FER1L6: variants seen among roughly 807,000 people sequenced by gnomAD.
FER1L6 encodes fer-1-like protein 6.
In FER1L6, 177 loss-of-function variants were observed where a neutral mutation model predicts 219.2. That is an observed-to-expected ratio of 0.81 (90% CI 0.71 to 0.91). The LOEUF (loss-of-function observed/expected upper bound fraction) is 0.91. Ranked by LOEUF, FER1L6 falls within the 40% of genes least tolerant of loss-of-function variation. The pLI is 0.00. For synonymous variants in FER1L6, 768 were observed against 824.3 expected (o/e 0.93, Z 1.17); for missense variants, 2,153 against 2,259.9 (o/e 0.95, Z 0.96).
intron 1 of FER1L6, among the ~76,000 whole-genome samples, chr8:123,955,068 C>G (rs1287265762): frequency 6.6e-6 from 1 of 152,274 alleles, no homozygotes; most frequent in East Asian, 1.9e-4. Flanking sequence ...ATTAGGAATG[C>G]TCTTGTCTGT....
intron 3 of FER1L6, among the ~76,000 whole-genome samples, chr8:123,964,071 A>C (rs1815423400): frequency 6.6e-6 from 1 of 152,204 alleles, no homozygotes; most frequent in Non-Finnish European, 1.5e-5. Flanking sequence ...ATCCTCCGTC[A>C]GGCTAGTCTG....
At chr8:124,101,450 T>C (rs1042021286) in intron 38 of FER1L6, 112 bp downstream of exon 38, 6 of 997,360 alleles carry the variant, frequency 6.0e-6, no homozygotes, top group Non-Finnish European at 8.7e-6. Context: ...CTATCTATGA[T>C]AGCAAAAACC....
chr8:123,855,782 GTGTGTGTATATATATATA>G (rs1271084639), intron 1 of FER1L6, among the ~76,000 whole-genome samples: 14 of 142,696 alleles, frequency 9.8e-5, no homozygotes, highest in Middle Eastern at 3.5e-3. Context: ...ATATATGTGT[GTGTGTGTATATATATATA>G]TATGTGTATA....
intron 1 of FER1L6, among the ~76,000 whole-genome samples, chr8:123,893,562 C>T (rs1812688042): frequency 6.6e-6 from 1 of 152,146 alleles, no homozygotes; most frequent in Non-Finnish European, 1.5e-5. Flanking sequence ...TTAATTTCTC[C>T]AGAATTTGTA....
chr8:123,934,429 T>A (rs1813903216), intron 1 of FER1L6, among the ~76,000 whole-genome samples: 1 of 152,244 alleles, frequency 6.6e-6, no homozygotes, highest in South Asian at 2.1e-4. Context: ...CTTCATTAAT[T>A]TGACATTTTT....
chr8:124,080,986 G>A lies in FER1L6; in HGVS notation c.4221-1302G>A, dbSNP rs115629950. 9.7e-3 allele frequency among the ~76,000 whole-genome samples: 1,476 copies of A among 152,272 alleles called. 24 individuals are homozygous for A. The highest frequency in any genetic ancestry group is 0.033 in the African/African-American group (1,389 of 41,554). The stretch of plus-strand genomic sequence containing the variant: ...GTCACTGGAGCTGTCCAGCGTCTCT[G>A]CTTTTCTCTCTCTGAGGAGGGTTAA... On this transcript the variant is annotated intron_variant, in intron 32 of 40. Transcript: ENST00000522917.
chr8:123,985,926 G>C (rs939553726), intron 11 of FER1L6, 142 bp from the exon 12 acceptor site: 1 of 602,454 alleles, frequency 1.7e-6, no homozygotes, highest in African/African-American at 1.9e-5. Context: ...GTCTTATTTG[G>C]GGGGAAACGC....
At chr8:123,926,821 T>C (rs1333478347) in intron 1 of FER1L6, among the ~76,000 whole-genome samples, 1 of 152,178 alleles carries the variant, frequency 6.6e-6, no homozygotes, top group Non-Finnish European at 1.5e-5. Flanking sequence ...AATATATCTA[T>C]TTGCTATAGA....
Position 124,060,585 on chromosome 8 carries a change from A to C in FER1L6, c.3023A>C (p.Gln1008Pro), listed in dbSNP as rs1226466589. 3 of 1,613,552 alleles carry C rather than the reference A, an allele frequency of 1.9e-6. No homozygotes were observed. In the Admixed American group the frequency reaches 5.0e-5, roughly 27 times the overall value. The change falls in exon 24 of 41, where the codon CAG becomes CCG. Residue 1008 changes from glutamine (Q) to proline (P), a missense_variant. Transcript: ENST00000522917. ...FWGVREMKKV[Q>P]LLSVDRPQAL... is the part of the protein sequence containing the mutation. Reference sequence around the variant, plus strand: ...GGAGTTCGGGAAATGAAGAAGGTGCAGCTCCTCTCTGTGGATCGGCCTCAG... The same window carrying C: ...GGAGTTCGGGAAATGAAGAAGGTGCCGCTCCTCTCTGTGGATCGGCCTCAG...
intron 20 of FER1L6, among the ~76,000 whole-genome samples, chr8:124,044,159 A>G (rs573733609): frequency 1.3e-5 from 2 of 152,384 alleles, no homozygotes; most frequent in South Asian, 2.1e-4. Flanking sequence ...TGTCAAGTGC[A>G]TGCTACAAGA....
chr8:124,050,697 A>G (rs995846217), intron 22 of FER1L6, among the ~76,000 whole-genome samples: 2 of 152,128 alleles, frequency 1.3e-5, no homozygotes, highest in Admixed American at 6.5e-5. Flanking sequence ...TCCAAGATCA[A>G]GGTGTCAGCA....
At chr8:124,046,264 C>T (rs1022826945) in intron 21 of FER1L6, 4 of 166,634 alleles carry the variant, frequency 2.4e-5, no homozygotes, top group African/African-American at 7.2e-5. Context: ...TAAAAATGTC[C>T]ATGCTTTTTG....
chr8:123,890,625 ATT>A (rs59914385), intron 1 of FER1L6, among the ~76,000 whole-genome samples: 10 of 91,422 alleles, frequency 1.1e-4, no homozygotes, highest in African/African-American at 3.8e-4. Flanking sequence ...TAAAAATTTG[ATT>A]TTTTTTTTTT....
Position 124,103,162 on chromosome 8 carries a change from C to A in FER1L6, c.5142C>A (p.Asn1714Lys), listed in dbSNP as rs185896968. The part of the protein sequence containing the change: ...SDDFLGTLEM[N>K]LNSFPRAAKS... ...TCTCCACAGGCACCCTGGAAATGAA[C>A]CTCAACAGTTTCCCTCGAGCAGCTA... Residue 1714 changes from asparagine (N) to lysine (K), a missense_variant, in exon 39 of 41, where the codon AAC becomes AAA. Coordinates refer to ENST00000522917, the MANE Select transcript of FER1L6 (RefSeq NM_001039112.2). 3.7e-6 allele frequency: 6 copies of A among 1,614,060 alleles called. No individual in the cohort carries two copies. The East Asian group carries it at 1.1e-4, about 30-fold the overall frequency.
At chr8:124,078,929 T>C (rs1297720104) in intron 32 of FER1L6, among the ~76,000 whole-genome samples, 2 of 152,200 alleles carry the variant, frequency 1.3e-5, no homozygotes, top group African/African-American at 4.8e-5. Flanking sequence ...TTTGGGATAC[T>C]GAAAGTATGA....
intron 36 of FER1L6, 35 bp downstream of exon 36, chr8:124,097,394 G>A (rs1365329154): frequency 2.8e-6 from 4 of 1,410,412 alleles, no homozygotes; most frequent in Non-Finnish European, 4.0e-6. Flanking sequence ...CAGGGGAAGA[G>A]ACCAGGGTAG....
At chr8:124,003,981 AC>A (rs574631046) in intron 13 of FER1L6, among the ~76,000 whole-genome samples, 1 of 152,264 alleles carries the variant, frequency 6.6e-6, no homozygotes, top group South Asian at 2.1e-4. Context: ...GTCAGAACTT[AC>A]AATTTCAATC....
rs1554607994 is a variant in FER1L6, at chr8:123,856,314, G to GTGTA, written c.-8+4131_-8+4134dup. 4.0e-4 allele frequency among the ~76,000 whole-genome samples: 18 copies of GTGTA among 44,792 alleles called. 3 individuals carry two copies. Among genetic ancestry groups the GTGTA allele is most frequent in the African/African-American group, 1.6e-3 (18 of 11,604 alleles). 29.4% of individuals were successfully genotyped at this position (44,792 alleles called of 152,430 possible). On this transcript the variant is annotated intron_variant, in intron 1 of 40. Coordinates refer to ENST00000522917, the MANE Select transcript of FER1L6 (RefSeq NM_001039112.2). ...TGTGTATATATATATATATATGTATGTGTATATATATATATATATATATAT... is the reference window on the plus strand; with the variant it reads ...TGTGTATATATATATATATATGTATGTGTATGTATATATATATATATATATATAT...
chr8:123,963,514 C>A, intron 3 of FER1L6, 116 bp downstream of exon 3: 1 of 1,187,456 alleles, frequency 8.4e-7, no homozygotes, highest in Non-Finnish European at 1.2e-6. Context: ...TGTCTACAGG[C>A]AGGCAAGGTC....
Sources: gnomAD v4.1 joint callset for allele counts (sites outside exome capture counted in the v4.1 genomes callset) on GRCh38, gnomAD v4.1.1 for gene constraint, MANE v1.5 for transcripts, NCBI Gene and HGNC (gene_info 2026-07-23, HGNC 2026-07-21) for gene names.